The following CAMSAP1 variants were observed in gnomAD, a reference collection of about 807,000 sequenced individuals.
The protein encoded by CAMSAP1 is calmodulin-regulated spectrin-associated protein 1.
Under a neutral mutation model 143.5 loss-of-function variants are expected in CAMSAP1, and 58 were observed. The ratio of observed to expected loss-of-function variants is 0.40; its 90% CI spans 0.33 to 0.50. CAMSAP1 has a LOEUF of 0.50. Ranked by LOEUF, CAMSAP1 falls within the 20% of genes least tolerant of loss-of-function variation. CAMSAP1 has a pLI of 0.45. For synonymous variants in CAMSAP1, 945 were observed against 859.3 expected, an observed-to-expected ratio of 1.10 and a Z score of -1.74; for missense variants, 1,969 against 2,115.7, an observed-to-expected ratio of 0.93 and a Z score of 1.36.
chr9:135,816,820 G>A (rs1052752994), intron 14 of CAMSAP1, among the ~76,000 whole-genome samples: 3 of 152,194 alleles, frequency 2.0e-5, no homozygotes, highest in African/African-American at 4.8e-5. Flanking sequence ...CTGACAACAC[G>A]CGTGGAGGAA....
chr9:135,880,386 C>T (rs1837901466), intron 3 of CAMSAP1, among the ~76,000 whole-genome samples: 1 of 152,012 alleles, frequency 6.6e-6, no homozygotes. Flanking sequence ...CTGGCTGACA[C>T]CCAAATCTGA....
chr9:135,821,358 G>T lies in CAMSAP1; in HGVS notation c.3303C>A (p.Ser1101=). ...PRLGQGRNSR[S]GRPAELKVPK... ...GGACCTTCAGCTCCGCCGGCCTTCC[G>T]GAACGGGAATTCCGGCCTTGACCCA... Residue 1101 remains serine, a synonymous_variant, in exon 11 of 17, where the codon TCC becomes TCA. Transcript: ENST00000389532. This position sits in a 1 kb window ranked among gnomAD's most constrained non-coding sequence, Gnocchi z 4.6. 6.2e-7 allele frequency: 1 copy of T among 1,613,736 alleles called. No homozygotes were observed. The highest frequency in any genetic ancestry group is 8.5e-7 in the Non-Finnish European group (1 of 1,179,810).
chr9:135,868,883 TG>T (rs1291027004), intron 3 of CAMSAP1, among the ~76,000 whole-genome samples: 1 of 152,102 alleles, frequency 6.6e-6, no homozygotes, highest in Non-Finnish European at 1.5e-5. Context: ...CCCAAAGTGC[TG>T]GGATTACAGG....
rs753860827 is a variant in CAMSAP1, at chr9:135,822,428, T to C, written c.2233A>G (p.Ile745Val). Residue 745 changes from isoleucine (I) to valine (V), a missense_variant, in exon 11 of 17, where the codon ATA (isoleucine) becomes GTA (valine). By Grantham distance (29) the Ile-to-Val change is conservative (BLOSUM62 3). Around this residue, in one of 4 missense-constraint regions of CAMSAP1, gnomAD observed 1,390 missense variants for 1,420.8 expected, o/e 0.98. Coordinates refer to ENST00000389532, the MANE Select transcript of CAMSAP1 (RefSeq NM_015447.4). This position sits in a 1 kb window ranked among gnomAD's most constrained non-coding sequence, Gnocchi z 6.1. ...ATGAAATCGTGCTCGGCTTCCTCTA[T>C]GTCCACCACATCCGAGTCAGAATCC... The part of the protein sequence containing the change: ...RQDSDSDVVD[I>V]EEAEHDFMGE... The C allele has an allele frequency of 8.4e-5, 135 of 1,613,932 alleles. No individual in the cohort carries two copies. The highest frequency in any genetic ancestry group is 2.3e-4 in the Admixed American group (14 of 60,014).
rs563446264 is a variant in CAMSAP1 at position 135,862,129 on chromosome 9, T to C, written c.808+338A>G. Among the ~76,000 whole-genome samples, 691 of 152,254 alleles carry C rather than the reference T, an allele frequency of 4.5e-3. 3 individuals are homozygous for C. The highest frequency in any genetic ancestry group is 0.016 in the African/African-American group (649 of 41,524). On this transcript the variant is annotated intron_variant, in intron 5 of 16. Transcript: ENST00000389532. ...ACTTTCACACATTACTCAGATACTT[T>C]GAAGTACCATTTCTCTCTCCCTCTC...
At position 135,836,142 on chromosome 9, in the gene CAMSAP1, C is replaced by T. The variant is rs560634809; in HGVS notation, c.1046-8558G>A. On this transcript the variant is annotated intron_variant, in intron 7 of 16. Coordinates refer to ENST00000389532, the MANE Select transcript of CAMSAP1 (RefSeq NM_015447.4). Reference sequence around the variant, plus strand: ...GGGCAGACTTCCTGCCCAAAAGCACCCAGAGAAGCCCATGTGCATCTACAG... The same window carrying T: ...GGGCAGACTTCCTGCCCAAAAGCACTCAGAGAAGCCCATGTGCATCTACAG... 9.1e-6 allele frequency: 9 copies of T among 985,428 alleles called. No individual in the cohort carries two copies. The East Asian group carries it at 3.4e-4, about 37-fold the overall frequency. 61.0% of individuals were successfully genotyped at this position (985,428 alleles called of 1,614,324 possible).
rs573935748 is a variant in CAMSAP1, at chr9:135,861,920, G to A, written c.808+547C>T. ...TTGTTAGGGTGTAAACACCTGGAGG[G>A]AGATACACTGTCATCGGAACGTCCC... is the stretch of plus-strand genomic sequence containing the variant. On this transcript the variant is annotated intron_variant, in intron 5 of 16. Transcript: ENST00000389532. 9.2e-5 allele frequency among the ~76,000 whole-genome samples: 14 copies of A among 152,324 alleles called. No homozygotes were observed. The South Asian group carries it at 2.7e-3, about 29-fold the overall frequency.
intron 1 of CAMSAP1, among the ~76,000 whole-genome samples, chr9:135,899,514 C>T (rs1838556225): frequency 6.6e-6 from 1 of 151,988 alleles, no homozygotes; most frequent in African/African-American, 2.4e-5. Context: ...CTCTGAAAAG[C>T]TCAGATTTCA....
chr9:135,858,102 G>T (rs569511817), intron 5 of CAMSAP1, among the ~76,000 whole-genome samples: 2 of 151,514 alleles, frequency 1.3e-5, no homozygotes, highest in African/African-American at 2.4e-5. Flanking sequence ...GGGTCCTATA[G>T]GATGAGCCTC....
chr9:135,904,832 G>A lies in CAMSAP1; in HGVS notation c.160+2168C>T, dbSNP rs543926246. Among the ~76,000 whole-genome samples, 201 of 152,330 alleles carry A rather than the reference G, an allele frequency of 1.3e-3. 1 individual carries two copies. Among genetic ancestry groups the A allele is most frequent in the Non-Finnish European group, 2.2e-3 (152 of 68,030 alleles). On this transcript the variant is annotated intron_variant, in intron 1 of 16. Coordinates refer to ENST00000389532, the MANE Select transcript of CAMSAP1 (RefSeq NM_015447.4). ...ATACAAAAACTGGCCGGGAGTGGGG[G>A]CGCACGCCTGTAATCCCAGCTACTT...
intron 4 of CAMSAP1, among the ~76,000 whole-genome samples, chr9:135,864,626 C>T (rs1837310941): frequency 6.6e-6 from 1 of 152,196 alleles, no homozygotes; most frequent in Non-Finnish European, 1.5e-5. Context: ...AAACTGGCTC[C>T]GCTTCCAGAA....
intron 1 of CAMSAP1, among the ~76,000 whole-genome samples, chr9:135,888,877 C>A (rs1838207709): frequency 6.6e-6 from 1 of 152,232 alleles, no homozygotes; most frequent in African/African-American, 2.4e-5. Flanking sequence ...CAACCAGTAA[C>A]AAACTGCACC....
Position 135,826,557 on chromosome 9 carries a change from A to AG in CAMSAP1, c.1223+849dup, listed in dbSNP as rs1391112350. 6.5e-6 allele frequency: 1 copy of AG among 152,682 alleles called. No individual in the cohort carries two copies. The highest frequency in any genetic ancestry group is 1.5e-5 in the Non-Finnish European group (1 of 68,060). The allele number at this position is 152,682 out of a possible 1,614,324, so 9.5% of individuals were successfully genotyped here. Reference sequence around the variant, plus strand: ...ATCCCTCAACATGGTCACCGGTTTTAGCTCCTCTCAAACAACCTGAAACAA... The same window carrying AG: ...ATCCCTCAACATGGTCACCGGTTTTAGGCTCCTCTCAAACAACCTGAAACAA... On this transcript the variant is annotated intron_variant, in intron 8 of 16. Transcript: ENST00000389532. This position sits in a 1 kb window ranked among gnomAD's most constrained non-coding sequence, Gnocchi z 4.4.
Position 135,819,125 on chromosome 9 carries a change from C to T in CAMSAP1, c.3844G>A (p.Glu1282Lys), listed in dbSNP as rs1295149879. The change falls in exon 12 of 17, where the codon GAG (glutamate) becomes AAG (lysine). Residue 1282 changes from glutamate to lysine, a missense_variant. Coordinates refer to ENST00000389532, the MANE Select transcript of CAMSAP1 (RefSeq NM_015447.4). Reference protein sequence around the residue: ...FFKDEQKAEDELAKKRAAFLL... With the variant: ...FFKDEQKAEDKLAKKRAAFLL... Reference sequence around the variant, plus strand: ...AAGGCCGCCCGCTTCTTGGCGAGCTCATCTTCCGCTTTCTGTTCATCCTGC... The same window carrying T: ...AAGGCCGCCCGCTTCTTGGCGAGCTTATCTTCCGCTTTCTGTTCATCCTGC... 6.2e-7 allele frequency: 1 copy of T among 1,601,966 alleles called. No homozygotes were observed. The highest frequency in any genetic ancestry group is 8.5e-7 in the Non-Finnish European group (1 of 1,175,568).
rs776722982 is a variant in CAMSAP1 at position 135,820,947 on chromosome 9, G to A, written c.3714C>T (p.Leu1238=). The part of the protein sequence containing the change: ...RSRASLIEVD[L]SDLKAPDEDG... ...CCTCGTCGGGGGCCTTCAGGTCGGA[G>A]AGGTCCACTTCAATGAGGCTGGCCC... is the stretch of plus-strand genomic sequence containing the variant. Residue 1238 remains leucine (L), a synonymous_variant, in exon 11 of 17, where the codon CTC becomes CTT. Coordinates refer to ENST00000389532, the MANE Select transcript of CAMSAP1 (RefSeq NM_015447.4). The surrounding 1 kb of genome is among the most constrained non-coding windows in gnomAD (Gnocchi z 4.4). The A allele has an allele frequency of 6.8e-6, 11 of 1,613,742 alleles. No homozygotes were observed. Among genetic ancestry groups the A allele is most frequent in the African/African-American group, 2.7e-5 (2 of 75,058 alleles).
At chr9:135,865,392 A>C (rs1324004033) in intron 4 of CAMSAP1, 1 of 1,550,440 alleles carries the variant, frequency 6.4e-7, no homozygotes, top group South Asian at 1.2e-5. Context: ...GAAGGAAGGC[A>C]GGAGAGGAGC....
intron 7 of CAMSAP1, among the ~76,000 whole-genome samples, chr9:135,829,703 A>C (rs1005831707): frequency 1.3e-5 from 2 of 151,920 alleles, no homozygotes; most frequent in African/African-American, 4.8e-5. Context: ...AAAAACAAAA[A>C]TTAGCCAGGC....
rs574930698 is a variant in CAMSAP1, at chr9:135,829,222, C to T, written c.1046-1638G>A. Among the ~76,000 whole-genome samples the T allele has an allele frequency of 8.5e-5, 13 of 152,160 alleles. No individual in the cohort carries two copies. In the South Asian group the frequency reaches 1.5e-3, roughly 17 times the overall value. The stretch of plus-strand genomic sequence containing the variant: ...ATTCCATTATAAAAGTTAAAAGAGG[C>T]CAGGCACGGTGGCCCATGCCTGTAA... On this transcript the variant is annotated intron_variant, in intron 7 of 16. Coordinates refer to ENST00000389532, the MANE Select transcript of CAMSAP1 (RefSeq NM_015447.4).
intron 3 of CAMSAP1, among the ~76,000 whole-genome samples, chr9:135,877,424 A>G (rs545636645): frequency 6.6e-6 from 1 of 152,112 alleles, no homozygotes; most frequent in Admixed American, 6.5e-5. Flanking sequence ...TGCTAAACAA[A>G]TGACTGCTTA....
Sources: allele counts gnomAD v4.1 joint callset (sites outside exome capture counted in the v4.1 genomes callset), GRCh38; gene constraint gnomAD v4.1.1; regional missense constraint gnomAD v4.1.1; non-coding constraint Gnocchi (gnomAD v3.1); transcripts MANE v1.5; gene names NCBI Gene and HGNC (gene_info 2026-07-23, HGNC 2026-07-21).